Variants in NEDD4L observed in about 807,000 individuals in gnomAD.
NEDD4L encodes the protein NEDD4 like E3 ubiquitin protein ligase.
In NEDD4L, 54 loss-of-function variants were observed where a neutral mutation model predicts 148.9. The observed-to-expected ratio is 0.36, with a 90% CI of 0.29 to 0.45. The LOEUF (loss-of-function observed/expected upper bound fraction) is 0.45. NEDD4L is among the 20% of genes least tolerant of loss of function. The pLI is 1.00. For missense variants in NEDD4L, 856 were observed against 1,233.8 expected, an observed-to-expected ratio of 0.69 and a Z score of 4.59; for synonymous variants, 433 against 440.7, an observed-to-expected ratio of 0.98 and a Z score of 0.22.
Position 58,088,921 on chromosome 18 carries a change from T to C in NEDD4L, c.48+44213T>C, listed in dbSNP as rs74522179. 6.2e-3 allele frequency among the ~76,000 whole-genome samples: 951 copies of C among 152,256 alleles called. 2 individuals are homozygous for C. Among genetic ancestry groups the C allele is most frequent in the South Asian group, 0.016 (79 of 4,824 alleles). The stretch of plus-strand genomic sequence containing the variant: ...TGTTCTTGAACTCAACAAATATTTA[T>C]TGAATTCCACTTGCTGGCCAGACAG... On this transcript the variant is annotated intron_variant, in intron 1 of 30. Transcript: ENST00000400345.
Position 58,095,033 on chromosome 18 carries a change from A to AT in NEDD4L, c.48+50329dup, listed in dbSNP as rs374677209. 4.3e-4 allele frequency among the ~76,000 whole-genome samples: 66 copies of AT among 152,118 alleles called. 2 individuals are homozygous for AT. In the East Asian group the frequency reaches 0.012, roughly 27 times the overall value. ...TAGACGATCTAGATATGTGTCTGAG[A>AT]TTTTGGATGCCTATTGATTGTGTAT... On this transcript the variant is annotated intron_variant, in intron 1 of 30. Transcript: ENST00000400345.
intron 1 of NEDD4L, 30 bp from the exon 2 acceptor site, chr18:58,165,758 T>TA: frequency 6.3e-7 from 1 of 1,593,450 alleles, no homozygotes. Flanking sequence ...ATCAGGTTTT[T>TA]AACCTCTTTT....
intron 4 of NEDD4L, among the ~76,000 whole-genome samples, chr18:58,250,130 G>GT (rs768788438): frequency 1.1e-4 from 17 of 151,792 alleles, no homozygotes; most frequent in South Asian, 2.1e-4. Flanking sequence ...TTTTCTGAAG[G>GT]TTTTTTTTGT....
chr18:58,217,908 G>T (rs190277974), intron 2 of NEDD4L, among the ~76,000 whole-genome samples: 7 of 152,184 alleles, frequency 4.6e-5, no homozygotes, highest in Admixed American at 2.0e-4. Flanking sequence ...AGTAAAGCTC[G>T]TAATGTTATT....
intron 1 of NEDD4L, among the ~76,000 whole-genome samples, chr18:58,144,907 C>T (rs1044752203): frequency 7.2e-5 from 11 of 152,114 alleles, no homozygotes; most frequent in African/African-American, 2.7e-4. Flanking sequence ...CATGTGGTAC[C>T]AGTCAGGGCC....
intron 1 of NEDD4L, among the ~76,000 whole-genome samples, chr18:58,104,515 C>T (rs1620068): frequency 0.19 from 28,145 of 152,118 alleles, 5,874 homozygotes; most frequent in African/African-American, 0.52. Flanking sequence ...ATTTTAAAAA[C>T]GTGACATTTC....
chr18:58,195,487 G>T, intron 2 of NEDD4L: 1 of 1,343,928 alleles, frequency 7.4e-7, no homozygotes, highest in Non-Finnish European at 9.8e-7. Flanking sequence ...GCCGCGCGAG[G>T]GTGCCCGGGT....
At chr18:58,319,035 T>C (rs191636597) in intron 6 of NEDD4L, among the ~76,000 whole-genome samples, 134 of 152,326 alleles carry the variant, frequency 8.8e-4, no homozygotes, top group African/African-American at 3.2e-3. Flanking sequence ...TGGAGGTAGC[T>C]CAGCTGACCA....
At chr18:58,395,519 G>A (rs1458544771) in intron 30 of NEDD4L, among the ~76,000 whole-genome samples, 1 of 151,624 alleles carries the variant, frequency 6.6e-6, no homozygotes, top group Non-Finnish European at 1.5e-5. Flanking sequence ...CAGATATGTA[G>A]GGACTTTTTC....
At chr18:58,082,079 A>AATATATACACACACAC (rs1378443130) in intron 1 of NEDD4L, among the ~76,000 whole-genome samples, 3 of 89,948 alleles carry the variant, frequency 3.3e-5, no homozygotes, top group African/African-American at 1.7e-4. Flanking sequence ...CTTTCTGATG[A>AATATATACACACACAC]ATATATATAT....
rs115289132 is a variant in NEDD4L at position 58,065,951 on chromosome 18, G to A, written c.48+21243G>A. On this transcript the variant is annotated intron_variant, in intron 1 of 30. Coordinates refer to ENST00000400345, the MANE Select transcript of NEDD4L (RefSeq NM_001144967.3). ...AGCTCACTGCTTAAATAAGTGTTTA[G>A]AGTCCCAAGGTATATGTAATGGCAT... is the stretch of plus-strand genomic sequence containing the variant. Among the ~76,000 whole-genome samples the A allele has an allele frequency of 4.7e-3, 714 of 152,316 alleles. 4 individuals are homozygous for A. The highest frequency in any genetic ancestry group is 0.017 in the Middle Eastern group (5 of 294).
chr18:58,390,129 A>G (rs2049612283), intron 28 of NEDD4L: 1 of 152,544 alleles, frequency 6.6e-6, no homozygotes, highest in African/African-American at 2.4e-5. Flanking sequence ...AGCCACCTGG[A>G]TTCCCATAAT....
At chr18:58,151,417 A>T (rs2034723596) in intron 1 of NEDD4L, among the ~76,000 whole-genome samples, 2 of 152,008 alleles carry the variant, frequency 1.3e-5, no homozygotes, top group Non-Finnish European at 2.9e-5. Flanking sequence ...ATATATTTGG[A>T]TGTTTCCTGC....
At chr18:58,316,729 G>A (rs1366249306) in intron 6 of NEDD4L, among the ~76,000 whole-genome samples, 1 of 152,226 alleles carries the variant, frequency 6.6e-6, no homozygotes, top group Non-Finnish European at 1.5e-5. Context: ...GGACCTGGAG[G>A]CCTTGAGAAA....
intron 27 of NEDD4L, 185 bp downstream of exon 27, chr18:58,387,683 G>T: frequency 1.5e-6 from 1 of 664,376 alleles, no homozygotes; most frequent in Non-Finnish European, 2.2e-6. Flanking sequence ...CTCTTATGGG[G>T]CTTGTTTGCC....
intron 5 of NEDD4L, chr18:58,255,432 T>C (rs2048399111): frequency 4.6e-6 from 5 of 1,090,176 alleles, no homozygotes; most frequent in Non-Finnish European, 4.6e-6. Context: ...ACAGTGTGGA[T>C]GAGAGCTTTT....
chr18:58,082,096 ATATATAT>A lies in NEDD4L; in HGVS notation c.48+37390_48+37396del, dbSNP rs1448905975. ...TTCTGATGAATATATATATATATAT[ATATATAT>A]TTTTTTTTTTTTTTTTTTCTTGAGA... On this transcript the variant is annotated intron_variant, in intron 1 of 30. Coordinates refer to ENST00000400345, the MANE Select transcript of NEDD4L (RefSeq NM_001144967.3). 6.6e-5 allele frequency among the ~76,000 whole-genome samples: 5 copies of A among 75,528 alleles called. 1 individual carries two copies. The highest frequency in any genetic ancestry group is 4.4e-4 in the African/African-American group (5 of 11,332). 49.5% of individuals were successfully genotyped at this position (75,528 alleles called of 152,430 possible).
intron 2 of NEDD4L, chr18:58,195,435 G>GCAGGCATC: frequency 2.3e-6 from 3 of 1,315,590 alleles, no homozygotes; most frequent in Non-Finnish European, 2.0e-6. Context: ...TTCGAGAGAG[G>GCAGGCATC]CAGGCATCCG....
intron 5 of NEDD4L, among the ~76,000 whole-genome samples, chr18:58,258,357 C>G (rs773011172): frequency 6.6e-6 from 1 of 152,122 alleles, no homozygotes; most frequent in Non-Finnish European, 1.5e-5. Flanking sequence ...TGAAGATTGA[C>G]AAAAATATAT....
Sources: gnomAD v4.1 joint callset for allele counts (sites outside exome capture counted in the v4.1 genomes callset) on GRCh38, gnomAD v4.1.1 for gene constraint, MANE v1.5 for transcripts, NCBI Gene and HGNC (gene_info 2026-07-23, HGNC 2026-07-21) for gene names.